Variants in ZNF558 observed in about 807,000 individuals in gnomAD.
ZNF558 encodes the protein zinc finger protein 558.
In ZNF558, 23 loss-of-function variants were observed where a neutral mutation model predicts 37.6. The ratio of observed to expected loss-of-function variants is 0.61; its 90% CI spans 0.44 to 0.87. The LOEUF (loss-of-function observed/expected upper bound fraction) is 0.87, where lower values mean the gene tolerates loss of function less well. Among genes scored for constraint, ZNF558 ranks in the 40% least tolerant of loss-of-function variants. The probability of loss-of-function intolerance (pLI) is 0.00; values close to 1 mark genes in which losing one functional copy is unlikely to be tolerated. For missense variants in ZNF558, 429 were observed against 483.7 expected (o/e 0.89, Z 1.06); for synonymous variants, 189 against 174.4 (o/e 1.08, Z -0.66).
At chr19:8,820,242 C>G (rs903673253) in intron 7 of ZNF558, among the ~76,000 whole-genome samples, 4 of 152,134 alleles carry the variant, frequency 2.6e-5, no homozygotes, top group Admixed American at 2.6e-4. Flanking sequence ...AAGCTAAACA[C>G]AGACCTAGCC....
chr19:8,811,439 T>C lies in ZNF558; in HGVS notation c.1051A>G (p.Ser351Gly). 6.2e-7 allele frequency: 1 copy of C among 1,614,142 alleles called. No individual in the cohort carries two copies. The highest frequency in any genetic ancestry group is 8.5e-7 in the Non-Finnish European group (1 of 1,179,990). ...TTATTAAAGGCTTTTCCACAGTCAC[T>C]GCACTCGTAGGGTTTCTCTCCGGTA... ...IHTGEKPYECSDCGKAFNNLS... is the reference protein window; with the variant it reads ...IHTGEKPYECGDCGKAFNNLS... Residue 351 changes from serine to glycine, a missense_variant, in exon 10 of 10, where the codon AGT (serine) becomes GGT (glycine). Physicochemically the swap from Ser to Gly is moderately conservative, Grantham distance 56 (BLOSUM62 0). Coordinates refer to ENST00000601372, the MANE Select transcript of ZNF558 (RefSeq NM_144693.3).
At chr19:8,833,726 C>T (rs571723821), upstream of ZNF558, among the ~76,000 whole-genome samples, 2 of 151,398 alleles carry the variant, frequency 1.3e-5, no homozygotes, top group East Asian at 1.9e-4. Context: ...TGGTGGCTTA[C>T]GCTTGTAATC....
chr19:8,808,716 C>T lies in ZNF558; in HGVS notation c.*2565G>A, dbSNP rs2043724029. On this transcript the variant is annotated 3_prime_UTR_variant, in exon 10 of 10. Coordinates refer to ENST00000601372, the MANE Select transcript of ZNF558 (RefSeq NM_144693.3). ...CATCCTGCTGGAAGTTAACAGAACACCACCTCAAAAACAAACAACAGATCA... is the reference window on the plus strand; with the variant it reads ...CATCCTGCTGGAAGTTAACAGAACATCACCTCAAAAACAAACAACAGATCA... 6.6e-6 allele frequency: 1 copy of T among 152,174 alleles called. No individual in the cohort carries two copies. The highest frequency in any genetic ancestry group is 6.6e-5 in the Admixed American group (1 of 15,264). The allele number at this position is 152,174 out of a possible 1,614,324, so 9.4% of individuals were successfully genotyped here.
Position 8,821,171 on chromosome 19 carries a change from T to G in ZNF558, c.247+9A>C. On this transcript the variant is annotated intron_variant, in intron 7 of 9. Transcript: ENST00000601372. ...CATTAAATAAATGCAGGAATGACAT[T>G]AGGCTTACCTAGTGAGGCCAGGTTC... 1 of 1,613,238 alleles carries G rather than the reference T, an allele frequency of 6.2e-7. No individual in the cohort carries two copies. Among genetic ancestry groups the G allele is most frequent in the Admixed American group, 1.7e-5 (1 of 59,940 alleles).
chr19:8,832,716 C>A (rs530393603), upstream of ZNF558, among the ~76,000 whole-genome samples: 1 of 150,512 alleles, frequency 6.6e-6, no homozygotes, highest in East Asian at 2.0e-4. Flanking sequence ...GGGCCCAGTT[C>A]TCGGGGCGGA....
At position 8,809,727 on chromosome 19, in the gene ZNF558, GTTTA is replaced by G. The variant is rs1555767066; in HGVS notation, c.*1550_*1553del. On this transcript the variant is annotated 3_prime_UTR_variant, in exon 10 of 10. Coordinates refer to ENST00000601372, the MANE Select transcript of ZNF558 (RefSeq NM_144693.3). ...CATTAAAATTATGAAATATGTTAAT[GTTTA>G]TTTTAGGGAACAGCTATACACAAAT... The G allele has an allele frequency of 2.0e-5, 3 of 152,216 alleles. No homozygotes were observed. The highest frequency in any genetic ancestry group is 7.2e-5 in the African/African-American group (3 of 41,522). 9.4% of individuals were successfully genotyped at this position (152,216 alleles called of 1,614,324 possible). A position where few individuals can be genotyped will look rare whatever the true frequency, so the allele number is the denominator to read the frequency against.
At chr19:8,834,067 A>G (rs1372354253), upstream of ZNF558, among the ~76,000 whole-genome samples, 3 of 152,220 alleles carry the variant, frequency 2.0e-5, no homozygotes, top group Non-Finnish European at 4.4e-5. Flanking sequence ...AATTTTATGT[A>G]AGAGAGTGGT....
rs1456775869 is a variant in ZNF558 at position 8,822,701 on chromosome 19, GCTC to G, written c.-45_-43del. 3 of 1,613,798 alleles carry G rather than the reference GCTC, an allele frequency of 1.9e-6. No homozygotes were observed. The highest frequency in any genetic ancestry group is 1.1e-5 in the South Asian group (1 of 91,086). On this transcript the variant is annotated 5_prime_UTR_variant, in exon 5 of 10. Transcript: ENST00000601372. The surrounding 1 kb of genome is among the most constrained non-coding windows in gnomAD (Gnocchi z 4.4). ...CAACAGGGCAGCCGGGAAGCAGGACGCTCCTCCTTTATCCCGCAGCGCTCTGGA... is the reference window on the plus strand; with the variant it reads ...CAACAGGGCAGCCGGGAAGCAGGACGCTCCTTTATCCCGCAGCGCTCTGGA...
intron 7 of ZNF558, among the ~76,000 whole-genome samples, chr19:8,820,428 A>C (rs2044054609): frequency 6.6e-6 from 1 of 152,260 alleles, no homozygotes; most frequent in Admixed American, 6.5e-5. Context: ...ACAATGGAAT[A>C]TCATTCAGTC....
At chr19:8,820,056 T>C (rs1210902835) in intron 7 of ZNF558, among the ~76,000 whole-genome samples, 1 of 152,196 alleles carries the variant, frequency 6.6e-6, no homozygotes, top group Non-Finnish European at 1.5e-5. Context: ...CTCCATGTCA[T>C]TTGTCATTAG....
intron 2 of ZNF558, among the ~76,000 whole-genome samples, chr19:8,827,082 A>G (rs2969296): frequency 0.89 from 134,716 of 151,952 alleles, 59,724 homozygotes; most frequent in Middle Eastern, 0.94. Flanking sequence ...TTCAGGCCCC[A>G]AGTCCCTATT....
rs1023170282 is a variant in ZNF558 at position 8,820,961 on chromosome 19, G to A, written c.247+219C>T. 7.9e-5 allele frequency among the ~76,000 whole-genome samples: 12 copies of A among 152,268 alleles called. No homozygotes were observed. In the South Asian group the frequency reaches 1.7e-3, roughly 21 times the overall value. On this transcript the variant is annotated intron_variant, in intron 7 of 9. Coordinates refer to ENST00000601372, the MANE Select transcript of ZNF558 (RefSeq NM_144693.3). ...GTATTGGCTGCTTCATAGGGACGGGGTTTCCTTCAGGGTGATGAAAATATG... is the reference window on the plus strand; with the variant it reads ...GTATTGGCTGCTTCATAGGGACGGGATTTCCTTCAGGGTGATGAAAATATG...
intron 2 of ZNF558, among the ~76,000 whole-genome samples, chr19:8,828,696 T>G (rs1294609889): frequency 6.6e-6 from 1 of 152,160 alleles, no homozygotes; most frequent in East Asian, 1.9e-4. Flanking sequence ...GCACGGTGGC[T>G]CATGTCTGTA....
At chr19:8,825,859 C>A (rs1206425441) in intron 2 of ZNF558, among the ~76,000 whole-genome samples, 3 of 152,148 alleles carry the variant, frequency 2.0e-5, no homozygotes, top group Non-Finnish European at 4.4e-5. Flanking sequence ...TGGATCTACT[C>A]CCTTACATGG....
At chr19:8,824,634 C>A (rs534475258) in intron 3 of ZNF558, among the ~76,000 whole-genome samples, 41 of 152,276 alleles carry the variant, frequency 2.7e-4, no homozygotes, top group South Asian at 2.5e-3. Context: ...CTCCTCCCAT[C>A]GCAGACAAGG....
Position 8,807,739 on chromosome 19 carries a change from T to C in ZNF558, c.*3542A>G, listed in dbSNP as rs976427969. 3.3e-5 allele frequency: 5 copies of C among 152,176 alleles called. No homozygotes were observed. The highest frequency in any genetic ancestry group is 6.5e-5 in the Admixed American group (1 of 15,276). The allele number at this position is 152,176 out of a possible 1,614,324, so 9.4% of individuals were successfully genotyped here. A position where few individuals can be genotyped will look rare whatever the true frequency, so the allele number is the denominator to read the frequency against. ...CCAACCCCCCTTAACTCTCCTAAAA[T>C]GCTTTTTTTTCCTATAACTCTATAA... On this transcript the variant is annotated 3_prime_UTR_variant, in exon 10 of 10. Transcript: ENST00000601372.
intron 2 of ZNF558, among the ~76,000 whole-genome samples, chr19:8,825,777 C>T (rs975069193): frequency 7.9e-5 from 12 of 152,096 alleles, no homozygotes; most frequent in African/African-American, 2.4e-4. Context: ...GCTCTTGGGC[C>T]TCTGTGGTAG....
At chr19:8,814,134 A>C (rs1371613212) in intron 7 of ZNF558, among the ~76,000 whole-genome samples, 3 of 152,266 alleles carry the variant, frequency 2.0e-5, no homozygotes, top group African/African-American at 7.2e-5. Context: ...ATGCCTTCTC[A>C]GAAAACCCAG....
At chr19:8,838,019 C>T in the ZNF558 span, among the ~76,000 whole-genome samples, 7 of 151,552 alleles carry the variant, frequency 4.6e-5, no homozygotes, top group African/African-American at 7.3e-5. Context: ...GAGGCCGAGG[C>T]GGGCGGATCA....
Sources: gnomAD v4.1 joint callset for allele counts (sites outside exome capture counted in the v4.1 genomes callset) on GRCh38, gnomAD v4.1.1 for gene constraint, Gnocchi (gnomAD v3.1) non-coding constraint, MANE v1.5 for transcripts, NCBI Gene and HGNC (gene_info 2026-07-23, HGNC 2026-07-21) for gene names.